The following WDR41 variants were observed in gnomAD, a reference collection of about 807,000 sequenced individuals.
WDR41 encodes the protein WD repeat-containing protein 41.
WDR41 carries 63 observed loss-of-function variants against 69.3 expected under a neutral mutation model. The ratio of observed to expected loss-of-function variants is 0.91; its 90% confidence interval spans 0.74 to 1.12. WDR41 has a LOEUF of 1.12. WDR41 is among the 50% of genes most tolerant of loss of function. The pLI is 0.00. For missense variants in WDR41, 543 were observed against 534.5 expected, an observed-to-expected ratio of 1.02 and a Z score of -0.16; for synonymous variants, 185 against 192.1, an observed-to-expected ratio of 0.96 and a Z score of 0.31.
At chr5:77,535,272 C>T (rs1026875700) in intron 1 of WDR41, among the ~76,000 whole-genome samples, 2 of 152,118 alleles carry the variant, frequency 1.3e-5, no homozygotes, top group African/African-American at 4.8e-5. Context: ...TCCATCTTCC[C>T]CTTCTGCACA....
At chr5:77,525,529 A>T (rs753503240) in intron 1 of WDR41, among the ~76,000 whole-genome samples, 2 of 152,188 alleles carry the variant, frequency 1.3e-5, no homozygotes, top group Non-Finnish European at 2.9e-5. Flanking sequence ...ATGCTGGCAG[A>T]AAACAGGAAC....
At position 77,489,070 on chromosome 5, in the gene WDR41, T is replaced by C. The variant is rs552984390; in HGVS notation, c.167+387A>G. ...GATTAAACTTACCTTCCACTAAAAA[T>C]AAAACATTCCTGGTAGGTACCTGAT... On this transcript the variant is annotated intron_variant, in intron 2 of 12. Transcript: ENST00000296679. Among the ~76,000 whole-genome samples, 4 of 152,282 alleles carry C rather than the reference T, an allele frequency of 2.6e-5. No individual in the cohort carries two copies. In the East Asian group the frequency reaches 7.7e-4, roughly 29 times the overall value.
At chr5:77,517,031 G>A in intron 1 of WDR41, among the ~76,000 whole-genome samples, 1 of 149,862 alleles carries the variant, frequency 6.7e-6, no homozygotes. Context: ...AAAAAAAAAG[G>A]AAAAAGAAAA....
At chr5:77,583,760 T>C (rs924743685) in intron 1 of WDR41, among the ~76,000 whole-genome samples, 3 of 152,142 alleles carry the variant, frequency 2.0e-5, no homozygotes, top group Admixed American at 1.3e-4. Context: ...ACTCATTTTA[T>C]GAGGCAAGTA....
chr5:77,509,608 G>A (rs993650182), intron 1 of WDR41, among the ~76,000 whole-genome samples: 1 of 152,178 alleles, frequency 6.6e-6, no homozygotes, highest in Non-Finnish European at 1.5e-5. Flanking sequence ...AAGACCACAT[G>A]CTATGATTTC....
intron 2 of WDR41, among the ~76,000 whole-genome samples, chr5:77,473,998 C>T (rs437003): frequency 0.086 from 13,022 of 152,114 alleles, 804 homozygotes; most frequent in South Asian, 0.22. Flanking sequence ...GTGTTTATTG[C>T]GGCACTGTTC....
intron 1 of WDR41, among the ~76,000 whole-genome samples, chr5:77,541,820 T>C (rs1467834262): frequency 6.6e-6 from 1 of 152,134 alleles, no homozygotes. Flanking sequence ...ACACTGTTGG[T>C]GGAAGTATAT....
intron 1 of WDR41, among the ~76,000 whole-genome samples, chr5:77,576,138 G>A (rs768350745): frequency 8.6e-5 from 13 of 151,976 alleles, no homozygotes; most frequent in Non-Finnish European, 1.6e-4. Flanking sequence ...ATGACAAAAC[G>A]CACCCTTACT....
chr5:77,492,158 C>T lies in WDR41; in HGVS notation c.51+12G>A. On this transcript the variant is annotated intron_variant, in intron 1 of 12. Transcript: ENST00000296679. ...GCTCGACGGACGCAGAGCAGACCCACCCGGGGTTTACCTCGGCCAGTCCCT... is the reference window on the plus strand; with the variant it reads ...GCTCGACGGACGCAGAGCAGACCCATCCGGGGTTTACCTCGGCCAGTCCCT... The T allele has an allele frequency of 1.9e-6, 3 of 1,611,692 alleles. No individual in the cohort carries two copies. Among genetic ancestry groups the T allele is most frequent in the Non-Finnish European group, 2.5e-6 (3 of 1,179,136 alleles).
At chr5:77,496,300 A>G (rs183191049), upstream of WDR41, among the ~76,000 whole-genome samples, 2 of 152,168 alleles carry the variant, frequency 1.3e-5, no homozygotes, top group African/African-American at 2.4e-5. Context: ...AAAGCATCCA[A>G]ATTGGAAAGG....
intron 1 of WDR41, among the ~76,000 whole-genome samples, chr5:77,541,409 C>A (rs1743084954): frequency 6.6e-6 from 1 of 151,424 alleles, no homozygotes; most frequent in South Asian, 2.1e-4. Flanking sequence ...GAGATACCAT[C>A]TCATGTCAGT....
chr5:77,552,820 G>A (rs1228600132), intron 1 of WDR41, among the ~76,000 whole-genome samples: 1 of 152,054 alleles, frequency 6.6e-6, no homozygotes, highest in Non-Finnish European at 1.5e-5. Context: ...AAATGATGCT[G>A]GAACAATTGC....
chr5:77,615,350 T>C (rs987432616), intron 1 of WDR41, among the ~76,000 whole-genome samples: 2 of 152,278 alleles, frequency 1.3e-5, no homozygotes, highest in South Asian at 2.1e-4. Context: ...TTTTTAAAGA[T>C]GTTTATTAAA....
intron 8 of WDR41, among the ~76,000 whole-genome samples, chr5:77,448,708 AAAT>A (rs1799500002): frequency 6.6e-6 from 1 of 151,978 alleles, no homozygotes; most frequent in African/African-American, 2.4e-5. Context: ...TCTCTACTAA[AAAT>A]ACAAAAATTA....
intron 1 of WDR41, among the ~76,000 whole-genome samples, chr5:77,504,106 T>C (rs889573393): frequency 2.9e-4 from 43 of 149,802 alleles, no homozygotes; most frequent in African/African-American, 1.0e-3. Flanking sequence ...TTTGAAAAGA[T>C]CAACAAAATT....
Position 77,433,110 on chromosome 5 carries a change from G to A in WDR41, c.*25C>T, listed in dbSNP as rs751460417. The A allele has an allele frequency of 2.5e-6, 4 of 1,598,802 alleles. No individual in the cohort carries two copies. The highest frequency in any genetic ancestry group is 2.2e-5 in the East Asian group (1 of 44,496). On this transcript the variant is annotated 3_prime_UTR_variant, in exon 13 of 13. Transcript: ENST00000296679. ...CCGATATTTGATGTTCAAGGTTCAT[G>A]CATGTGTATTTTTAATTCCTTAAAC...
intron 1 of WDR41, chr5:77,582,313 A>T (rs1015136389): frequency 1.4e-6 from 2 of 1,451,256 alleles, no homozygotes; most frequent in Non-Finnish European, 1.9e-6. Flanking sequence ...ATGCATAGAT[A>T]TATAACAAGT....
chr5:77,509,179 G>A (rs183921284), intron 1 of WDR41, among the ~76,000 whole-genome samples: 1 of 152,214 alleles, frequency 6.6e-6, no homozygotes, highest in African/African-American at 2.4e-5. Context: ...GAAAATATTA[G>A]TTTAATTTTA....
intron 1 of WDR41, among the ~76,000 whole-genome samples, chr5:77,619,746 T>C (rs993842772): frequency 1.3e-5 from 2 of 151,344 alleles, no homozygotes; most frequent in African/African-American, 4.8e-5. Flanking sequence ...GGGTGTTTTT[T>C]GTTTTTTTGT....
Sources: allele counts gnomAD v4.1 joint callset (sites outside exome capture counted in the v4.1 genomes callset), GRCh38; gene constraint gnomAD v4.1.1; transcripts MANE v1.5; gene names NCBI Gene and HGNC (gene_info 2026-07-23, HGNC 2026-07-21).